SGCD: variants seen among roughly 807,000 people sequenced by gnomAD.
SGCD encodes delta-sarcoglycan.
A neutral mutation model predicts 36.6 loss-of-function variants in SGCD; 18 were observed. The observed-to-expected ratio is 0.49, with a 90% CI of 0.34 to 0.73. The LOEUF (loss-of-function observed/expected upper bound fraction) is 0.73, where lower values mean the gene tolerates loss of function less well. Among genes scored for constraint, SGCD ranks in the 30% least tolerant of loss-of-function variants. SGCD has a pLI of 0.01. For missense variants in SGCD, 387 were observed against 346.7 expected, an observed-to-expected ratio of 1.12 and a Z score of -0.92; for synonymous variants, 133 against 130.6, an observed-to-expected ratio of 1.02 and a Z score of -0.12.
chr5:156,521,286 G>A (rs1757393238), intron 4 of SGCD, among the ~76,000 whole-genome samples: 1 of 152,106 alleles, frequency 6.6e-6, no homozygotes, highest in Admixed American at 6.6e-5. Flanking sequence ...TCAGGACGTA[G>A]GCATGGGCAC....
intron 1 of SGCD, among the ~76,000 whole-genome samples, chr5:156,083,954 T>A (rs1761031509): frequency 6.6e-6 from 1 of 152,216 alleles, no homozygotes; most frequent in Non-Finnish European, 1.5e-5. Context: ...GTACCATTGA[T>A]CTATGTGCCT....
chr5:156,252,120 G>T (rs1765596643), intron 3 of SGCD, among the ~76,000 whole-genome samples: 1 of 150,788 alleles, frequency 6.6e-6, no homozygotes, highest in African/African-American at 2.5e-5. Flanking sequence ...AGACTGGAGT[G>T]CAATGGCATG....
At chr5:156,112,054 A>G (rs954312888) in intron 1 of SGCD, among the ~76,000 whole-genome samples, 3 of 152,190 alleles carry the variant, frequency 2.0e-5, no homozygotes, top group African/African-American at 7.2e-5. Flanking sequence ...TGCTGGGATT[A>G]CAAGAGGTGG....
At chr5:156,179,616 C>G (rs1192655981) in intron 3 of SGCD, among the ~76,000 whole-genome samples, 1 of 150,154 alleles carries the variant, frequency 6.7e-6, no homozygotes, top group Admixed American at 6.6e-5. Context: ...TTATAATTTT[C>G]CAACTTTTTT....
chr5:156,689,573 G>A (rs565577562), intron 7 of SGCD, among the ~76,000 whole-genome samples: 3 of 152,268 alleles, frequency 2.0e-5, no homozygotes, highest in Admixed American at 2.0e-4. Context: ...AGGGAAGTAG[G>A]AAGCATAATC....
intron 1 of SGCD, among the ~76,000 whole-genome samples, chr5:156,040,242 T>C (rs1444228436): frequency 6.6e-6 from 1 of 152,250 alleles, no homozygotes. Context: ...GGGAATTGTA[T>C]GTAGCACTAC....
chr5:156,568,492 G>A (rs1759587554), intron 4 of SGCD, among the ~76,000 whole-genome samples: 1 of 152,208 alleles, frequency 6.6e-6, no homozygotes, highest in South Asian at 2.1e-4. Context: ...CGGCCATAAA[G>A]TCTGGAAATG....
At chr5:156,072,259 T>C (rs914587945) in intron 1 of SGCD, among the ~76,000 whole-genome samples, 78 of 152,244 alleles carry the variant, frequency 5.1e-4, no homozygotes, top group Non-Finnish European at 7.2e-4. Flanking sequence ...GATTTTGCAG[T>C]GGCTGGTACC....
intron 1 of SGCD, among the ~76,000 whole-genome samples, chr5:156,021,819 G>A (rs1409514794): frequency 6.6e-6 from 1 of 152,144 alleles, no homozygotes; most frequent in African/African-American, 2.4e-5. Context: ...AGAGTGATTC[G>A]AGGAGCAGCT....
At chr5:156,151,226 G>A (rs954464518) in intron 3 of SGCD, among the ~76,000 whole-genome samples, 2 of 151,634 alleles carry the variant, frequency 1.3e-5, no homozygotes, top group African/African-American at 4.9e-5. Flanking sequence ...ACCTAGAAAG[G>A]AAGAGACAAA....
intron 3 of SGCD, among the ~76,000 whole-genome samples, chr5:156,236,997 C>G (rs1765182528): frequency 6.6e-6 from 1 of 151,886 alleles, no homozygotes; most frequent in Non-Finnish European, 1.5e-5. Flanking sequence ...CCATGCCGGA[C>G]TAACTTTTTG....
intron 4 of SGCD, among the ~76,000 whole-genome samples, chr5:156,524,405 T>C (rs1237259253): frequency 6.7e-6 from 1 of 149,950 alleles, no homozygotes; most frequent in Non-Finnish European, 1.5e-5. Context: ...TGTGACCCAG[T>C]TTCTCCTAGT....
chr5:155,758,797 T>C, the SGCD span, among the ~76,000 whole-genome samples: 1 of 152,154 alleles, frequency 6.6e-6, no homozygotes, highest in Non-Finnish European at 1.5e-5. Flanking sequence ...TCCTTGGTGC[T>C]AAAAGGTAGG....
chr5:155,798,554 G>A, the SGCD span, among the ~76,000 whole-genome samples: 1 of 152,100 alleles, frequency 6.6e-6, no homozygotes, highest in Non-Finnish European at 1.5e-5. Flanking sequence ...ACCAGATTAC[G>A]CTAGGGGCTC....
At chr5:155,863,596 C>T in the SGCD span, among the ~76,000 whole-genome samples, 2 of 94,532 alleles carry the variant, frequency 2.1e-5, 1 homozygote, top group Non-Finnish European at 6.0e-5. Context: ...AGTCTTCATT[C>T]CCAGAACAAA....
intron 1 of SGCD, among the ~76,000 whole-genome samples, chr5:156,011,305 C>G (rs902059208): frequency 6.6e-6 from 1 of 152,016 alleles, no homozygotes; most frequent in Non-Finnish European, 1.5e-5. Flanking sequence ...TAGGAAGGTA[C>G]TACAGTATGC....
chr5:156,211,563 G>C (rs534632999), intron 3 of SGCD, among the ~76,000 whole-genome samples: 1 of 150,298 alleles, frequency 6.7e-6, no homozygotes, highest in Non-Finnish European at 1.5e-5. Flanking sequence ...AGCCGAGATC[G>C]TGCCACTGCA....
chr5:156,230,989 C>G (rs1446494004), intron 3 of SGCD, among the ~76,000 whole-genome samples: 1 of 151,618 alleles, frequency 6.6e-6, no homozygotes, highest in African/African-American at 2.4e-5. Flanking sequence ...TAAGGATACA[C>G]AAAAAGCAAA....
At chr5:156,514,601 C>G (rs548825767) in intron 4 of SGCD, among the ~76,000 whole-genome samples, 7 of 152,122 alleles carry the variant, frequency 4.6e-5, no homozygotes, top group African/African-American at 1.7e-4. Context: ...CTCTGCCTAT[C>G]GTAAGATAGT....
Sources: gnomAD v4.1 joint callset for allele counts (sites outside exome capture counted in the v4.1 genomes callset) on GRCh38, gnomAD v4.1.1 for gene constraint, MANE v1.5 for transcripts, NCBI Gene and HGNC (gene_info 2026-07-23, HGNC 2026-07-21) for gene names.